METAP1D: variants seen among roughly 807,000 people sequenced by gnomAD.
METAP1D encodes methionyl aminopeptidase type 1D, mitochondrial, also known as methionine aminopeptidase 1D, mitochondrial.
METAP1D carries 31 observed loss-of-function variants against 40.5 expected under a neutral mutation model. The ratio of observed to expected loss-of-function variants is 0.77; its 90% confidence interval spans 0.58 to 1.03. The LOEUF is 1.03. Among genes scored for constraint, METAP1D ranks in the 50% least tolerant of loss-of-function variants. The probability of loss-of-function intolerance (pLI) is 0.00; values close to 1 mark genes in which losing one functional copy is unlikely to be tolerated. For missense variants in METAP1D, 411 were observed against 420.7 expected (o/e 0.98, Z 0.20); for synonymous variants, 151 against 146.4 (o/e 1.03, Z -0.22).
chr2:172,061,834 A>G (rs1377536046), intron 2 of METAP1D, 179 bp downstream of exon 2: 3 of 441,276 alleles, frequency 6.8e-6, no homozygotes, highest in Admixed American at 4.1e-5. Context: ...CTATAGCATT[A>G]ATTTTTTAAA....
intron 1 of METAP1D, among the ~76,000 whole-genome samples, chr2:172,017,352 TAG>T (rs1688895631): frequency 6.7e-6 from 1 of 149,306 alleles, no homozygotes; most frequent in African/African-American, 2.4e-5. Context: ...TGTGTATATA[TAG>T]GTATATATGT....
chr2:172,036,188 G>C (rs549583903), intron 1 of METAP1D, among the ~76,000 whole-genome samples: 54 of 150,776 alleles, frequency 3.6e-4, no homozygotes, highest in African/African-American at 1.3e-3. Context: ...GTGGTGGCGG[G>C]TGCCTGTAGT....
At chr2:172,066,611 T>C (rs1464144884) in intron 5 of METAP1D, among the ~76,000 whole-genome samples, 1 of 152,234 alleles carries the variant, frequency 6.6e-6, no homozygotes, top group South Asian at 2.1e-4. Flanking sequence ...ATCCACTGTG[T>C]AGTTAACGCA....
chr2:172,068,351 G>A lies in METAP1D; in HGVS notation c.540+2045G>A, dbSNP rs376253259. Among the ~76,000 whole-genome samples, 70 of 151,998 alleles carry A rather than the reference G, an allele frequency of 4.6e-4. No individual in the cohort carries two copies. In the East Asian group the frequency reaches 7.4e-3, roughly 16 times the overall value. ...AGAGGTTGCAGTGAGCTGAGATCGCGCCCCTGCACTCCAGCCTGGGTGACA... is the reference window on the plus strand; with the variant it reads ...AGAGGTTGCAGTGAGCTGAGATCGCACCCCTGCACTCCAGCCTGGGTGACA... On this transcript the variant is annotated intron_variant, in intron 5 of 9. Coordinates refer to ENST00000315796, the MANE Select transcript of METAP1D (RefSeq NM_199227.3).
At chr2:172,037,022 G>A (rs1689409640) in intron 1 of METAP1D, among the ~76,000 whole-genome samples, 1 of 152,188 alleles carries the variant, frequency 6.6e-6, no homozygotes, top group South Asian at 2.1e-4. Context: ...CACTTTGGTA[G>A]GCCAAGGTGG....
Position 172,080,118 on chromosome 2 carries a change from C to A in METAP1D, c.851-10C>A. ...TGAGGTCACTGCAGTAAATATTTTT[C>A]CTCTTACAGAGCCAATCATCACGGA... On this transcript the variant is annotated splice_polypyrimidine_tract_variant and intron_variant, in intron 8 of 9. Coordinates refer to ENST00000315796, the MANE Select transcript of METAP1D (RefSeq NM_199227.3). 1 of 1,609,708 alleles carries A rather than the reference C, an allele frequency of 6.2e-7. No individual in the cohort carries two copies.
chr2:172,042,672 C>T lies in METAP1D; in HGVS notation c.41-18826C>T, dbSNP rs1180353263. ...GTATGTGTATATGTGTACACATATA[C>T]GTGTGTATGTGTATATGTGTACACA... On this transcript the variant is annotated intron_variant, in intron 1 of 9. Coordinates refer to ENST00000315796, the MANE Select transcript of METAP1D (RefSeq NM_199227.3). Among the ~76,000 whole-genome samples, 2 of 12,820 alleles carry T rather than the reference C, an allele frequency of 1.6e-4. 1 individual carries two copies. The highest frequency in any genetic ancestry group is 3.9e-4 in the Non-Finnish European group (2 of 5,122). 8.4% of individuals were successfully genotyped at this position (12,820 alleles called of 152,430 possible). A position where few individuals can be genotyped will look rare whatever the true frequency, so the allele number is the denominator to read the frequency against.
intron 1 of METAP1D, among the ~76,000 whole-genome samples, chr2:172,038,015 G>C (rs765990007): frequency 6.6e-6 from 1 of 152,162 alleles, no homozygotes; most frequent in East Asian, 1.9e-4. Flanking sequence ...GATTTTCCTG[G>C]GGGTACTCAG....
At chr2:172,019,698 C>G (rs1688962988) in intron 1 of METAP1D, among the ~76,000 whole-genome samples, 1 of 152,182 alleles carries the variant, frequency 6.6e-6, no homozygotes, top group African/African-American at 2.4e-5. Context: ...ATAAAACCTA[C>G]TCTCTGTGAA....
chr2:172,004,624 C>T (rs969377497), intron 1 of METAP1D, among the ~76,000 whole-genome samples: 6 of 151,986 alleles, frequency 3.9e-5, no homozygotes, highest in Admixed American at 1.3e-4. Flanking sequence ...CACGCCCAGC[C>T]GCCAAACCAA....
chr2:172,015,253 A>G (rs1688829273), intron 1 of METAP1D, among the ~76,000 whole-genome samples: 1 of 152,122 alleles, frequency 6.6e-6, no homozygotes, highest in Admixed American at 6.5e-5. Flanking sequence ...CTCTGCTAAA[A>G]GTACAAAAAT....
chr2:172,004,145 C>T (rs1319334917), intron 1 of METAP1D, among the ~76,000 whole-genome samples: 4 of 152,146 alleles, frequency 2.6e-5, no homozygotes, highest in Non-Finnish European at 1.5e-5. Flanking sequence ...GCCCTAGACT[C>T]CTCCACTGAG....
chr2:172,080,261 C>G, intron 9 of METAP1D, 55 bp downstream of exon 9: 2 of 1,613,710 alleles, frequency 1.2e-6, no homozygotes, highest in Non-Finnish European at 1.7e-6. Flanking sequence ...AAGATTGGTC[C>G]GACGGCGCGC....
Position 172,080,319 on chromosome 2 carries a change from G to C in METAP1D, c.930-9G>C. On this transcript the variant is annotated splice_polypyrimidine_tract_variant and intron_variant, in intron 9 of 9. Coordinates refer to ENST00000315796, the MANE Select transcript of METAP1D (RefSeq NM_199227.3). ...GTGCGCGTTCTGACGGCTGGGTGCT[G>C]TGTTACAGGTCGGCGCAGTTCGAGC... 1 of 1,614,166 alleles carries C rather than the reference G, an allele frequency of 6.2e-7. No homozygotes were observed. The highest frequency in any genetic ancestry group is 8.5e-7 in the Non-Finnish European group (1 of 1,179,988).
intron 1 of METAP1D, among the ~76,000 whole-genome samples, chr2:172,024,726 C>T (rs935184317): frequency 6.7e-6 from 1 of 149,400 alleles, no homozygotes; most frequent in East Asian, 2.0e-4. Flanking sequence ...CTGATAAAGC[C>T]TCCTTTTTAA....
intron 7 of METAP1D, 62 bp from the exon 8 acceptor site, chr2:172,079,153 C>CTGT (rs1559023962): frequency 6.5e-7 from 1 of 1,534,092 alleles, no homozygotes; most frequent in Non-Finnish European, 9.0e-7. Flanking sequence ...CCCCTGTAAT[C>CTGT]TGTTTTTTTT....
chr2:172,021,974 C>G (rs1233611701), intron 1 of METAP1D: 1 of 152,230 alleles, frequency 6.6e-6, no homozygotes, highest in Non-Finnish European at 1.5e-5. Flanking sequence ...TTGTAGTTTG[C>G]AGTTTGCATC....
intron 1 of METAP1D, among the ~76,000 whole-genome samples, chr2:172,010,483 CT>C (rs1688689461): frequency 7.7e-6 from 1 of 129,556 alleles, no homozygotes. Flanking sequence ...TCCTTCTTTC[CT>C]TCTTTCCTCT....
chr2:172,017,393 GTGTATATA>G (rs1478966726), intron 1 of METAP1D, among the ~76,000 whole-genome samples: 10 of 150,228 alleles, frequency 6.7e-5, no homozygotes, highest in Non-Finnish European at 1.3e-4. Flanking sequence ...ATGTATATAT[GTGTATATA>G]TGTATATATG....
Sources: allele counts gnomAD v4.1 joint callset (sites outside exome capture counted in the v4.1 genomes callset), GRCh38; gene constraint gnomAD v4.1.1; transcripts MANE v1.5; gene names NCBI Gene and HGNC (gene_info 2026-07-23, HGNC 2026-07-21).